Variants in FAM20C observed in about 807,000 individuals in gnomAD.
FAM20C encodes FAM20C golgi associated secretory pathway kinase, also known as extracellular serine/threonine protein kinase FAM20C.
A neutral mutation model predicts 51.5 loss-of-function variants in FAM20C; 40 were observed. The observed-to-expected ratio is 0.78, with a 90% confidence interval of 0.60 to 1.01. FAM20C has a LOEUF of 1.01. Among genes scored for constraint, FAM20C ranks in the 50% least tolerant of loss-of-function variants. The pLI, the probability that FAM20C is intolerant of heterozygous loss-of-function variation, is 0.00. For missense variants in FAM20C, 861 were observed against 844.7 expected, an observed-to-expected ratio of 1.02 and a Z score of -0.24; for synonymous variants, 406 against 380.6, an observed-to-expected ratio of 1.07 and a Z score of -0.78.
chr7:247,542 C>T (rs565070823), intron 4 of FAM20C, among the ~76,000 whole-genome samples: 9 of 152,298 alleles, frequency 5.9e-5, no homozygotes, highest in East Asian at 1.9e-4. Flanking sequence ...CCTAGTGACG[C>T]GGGCGTACAT....
chr7:212,378 G>T (rs1010574538), intron 3 of FAM20C, among the ~76,000 whole-genome samples: 1 of 152,186 alleles, frequency 6.6e-6, no homozygotes, highest in African/African-American at 2.4e-5. Context: ...CAGGAGATTC[G>T]CTTGAACCTG....
chr7:256,555 A>G, intron 6 of FAM20C, 99 bp from the exon 7 acceptor site: 1 of 995,426 alleles, frequency 1.0e-6, no homozygotes, highest in Non-Finnish European at 1.5e-6. Flanking sequence ...TGCAGACGCC[A>G]AGGTCCCTGC....
intron 3 of FAM20C, among the ~76,000 whole-genome samples, chr7:222,959 C>T (rs1040784250): frequency 2.0e-5 from 3 of 151,610 alleles, no homozygotes; most frequent in African/African-American, 7.3e-5. Context: ...TGTGTGAGGG[C>T]GTTCATCTGT....
Position 257,961 on chromosome 7 carries a change from CT to C in FAM20C, c.1446-684del, listed in dbSNP as rs1453913370. ...GAGATGCCCGGGGTGGACCCACTGC[CT>C]GAGGTGCTGGAGATAGGCAGTGTGG... On this transcript the variant is annotated intron_variant, in intron 8 of 9. Transcript: ENST00000313766. Among the ~76,000 whole-genome samples, 173 of 88,874 alleles carry C rather than the reference CT, an allele frequency of 1.9e-3. 38 individuals are homozygous for C. Among genetic ancestry groups the C allele is most frequent in the Non-Finnish European group, 2.8e-3 (115 of 40,390 alleles). The allele number at this position is 88,874 out of a possible 152,430, so 58.3% of individuals were successfully genotyped here.
At chr7:207,196 G>C (rs1277009434) in intron 2 of FAM20C, among the ~76,000 whole-genome samples, 2 of 18,178 alleles carry the variant, frequency 1.1e-4, no homozygotes, top group Non-Finnish European at 1.1e-4. Flanking sequence ...CGGTCCCCTC[G>C]GCCCCGCACA....
At chr7:231,950 C>T (rs139053094) in intron 3 of FAM20C, among the ~76,000 whole-genome samples, 2 of 152,316 alleles carry the variant, frequency 1.3e-5, no homozygotes, top group African/African-American at 2.4e-5. Flanking sequence ...CCCCAGCACC[C>T]GCCCCTGCCC....
chr7:251,376 G>T (rs1264913112), intron 5 of FAM20C, among the ~76,000 whole-genome samples: 1 of 152,190 alleles, frequency 6.6e-6, no homozygotes, highest in Non-Finnish European at 1.5e-5. Context: ...AAATTAGCCA[G>T]GTCTGGTGGC....
chr7:194,749 G>A (rs952135786), intron 1 of FAM20C, among the ~76,000 whole-genome samples: 66 of 151,764 alleles, frequency 4.3e-4, no homozygotes, highest in Non-Finnish European at 5.6e-4. Context: ...CCAGAGCAGC[G>A]AGTGGCCAGG....
intron 8 of FAM20C, among the ~76,000 whole-genome samples, chr7:258,122 AGGCGG>A (rs1788690859): frequency 2.9e-5 from 2 of 68,084 alleles, no homozygotes; most frequent in South Asian, 4.7e-4. Context: ...TGTTGGAGAT[AGGCGG>A]GGTGGACCCA....
intron 3 of FAM20C, among the ~76,000 whole-genome samples, chr7:231,235 A>G (rs956170378): frequency 2.0e-5 from 3 of 151,912 alleles, no homozygotes; most frequent in Admixed American, 6.6e-5. Flanking sequence ...GGCAGCGAGG[A>G]CCCCTGGAGG....
At chr7:240,774 T>G (rs1787923407) in intron 3 of FAM20C, among the ~76,000 whole-genome samples, 1 of 152,176 alleles carries the variant, frequency 6.6e-6, no homozygotes. Context: ...CCACCGATTG[T>G]GGCCCGGGCC....
intron 3 of FAM20C, among the ~76,000 whole-genome samples, chr7:242,101 C>T (rs1393621066): frequency 5.3e-5 from 8 of 152,150 alleles, no homozygotes; most frequent in African/African-American, 4.8e-5. Context: ...GAGAGCTCTG[C>T]GGGGACATCC....
chr7:193,428 G>T lies in FAM20C; in HGVS notation c.229G>T (p.Ala77Ser). 1 of 1,418,844 alleles carries T rather than the reference G, an allele frequency of 7.0e-7. No individual in the cohort carries two copies. Among genetic ancestry groups the T allele is most frequent in the Non-Finnish European group, 9.3e-7 (1 of 1,075,188 alleles). 87.9% of individuals were successfully genotyped at this position (1,418,844 alleles called of 1,614,324 possible). ...GGAGCCCCCGGCCGCCTCCTCCGCC[G>T]CCGGCGACGCGGGCTGGCCCAACAA... ...PGEPPAASSAAGDAGWPNKHT... is the reference protein window; with the variant it reads ...PGEPPAASSASGDAGWPNKHT... The change falls in exon 1 of 10, where the codon GCC (alanine) becomes TCC (serine). Residue 77 changes from alanine to serine, a missense_variant. By Grantham distance (99) the Ala-to-Ser change is moderately conservative (BLOSUM62 1). This residue lies in a region of FAM20C where 561 missense variants were observed against 499.8 expected (regional missense o/e 1.12). Transcript: ENST00000313766.
chr7:193,132 G>C lies in FAM20C; in HGVS notation c.-68G>C, dbSNP rs865950516. On this transcript the variant is annotated 5_prime_UTR_variant, in exon 1 of 10. Transcript: ENST00000313766. ...TGACCCGCGAGGCGGCGCCGCGCTC[G>C]TGCCCAGCTGCAGCTAGAGGGGCGC... is the stretch of plus-strand genomic sequence containing the variant. 1 of 1,341,592 alleles carries C rather than the reference G, an allele frequency of 7.5e-7. No homozygotes were observed. The highest frequency in any genetic ancestry group is 9.7e-7 in the Non-Finnish European group (1 of 1,031,272). 83.1% of individuals were successfully genotyped at this position (1,341,592 alleles called of 1,614,324 possible). A position where few individuals can be genotyped will look rare whatever the true frequency, so the allele number is the denominator to read the frequency against.
chr7:193,574 T>A lies in FAM20C; in HGVS notation c.375T>A (p.Asp125Glu), dbSNP rs1241206174. ...EPAERALRGR[D>E]PGALRPHDPA... ...CCGAGCGCGCCTTGCGGGGGCGGGA[T>A]CCCGGCGCCCTAAGACCCCACGACC... Residue 125 changes from aspartate (D) to glutamate (E), a missense_variant, in exon 1 of 10, where the codon GAT becomes GAA. Around this residue, in one of 3 missense-constraint regions of FAM20C, gnomAD observed 561 missense variants for 499.8 expected, o/e 1.12. Coordinates refer to ENST00000313766, the MANE Select transcript of FAM20C (RefSeq NM_020223.4). 31 of 1,500,602 alleles carry A rather than the reference T, an allele frequency of 2.1e-5. No homozygotes were observed. Among genetic ancestry groups the A allele is most frequent in the Non-Finnish European group, 2.5e-5 (28 of 1,123,598 alleles). The allele number at this position is 1,500,602 out of a possible 1,614,324, so 93.0% of individuals were successfully genotyped here. A position where few individuals can be genotyped will look rare whatever the true frequency, so the allele number is the denominator to read the frequency against.
intron 4 of FAM20C, among the ~76,000 whole-genome samples, chr7:247,688 G>A (rs184063375): frequency 2.6e-3 from 389 of 152,308 alleles, no homozygotes; most frequent in Non-Finnish European, 3.0e-3. Flanking sequence ...AAAGAAAGAC[G>A]GGGAGGGTCA....
In FAM20C at chr7:193,817, T is replaced by G; in HGVS notation, c.605+13T>G. ...AGAACCCGGACTGGTGAGTGGGGGC[T>G]GGCAGGTGCCCACCCCCAAGGGAGC... On this transcript the variant is annotated intron_variant, in intron 1 of 9. Coordinates refer to ENST00000313766, the MANE Select transcript of FAM20C (RefSeq NM_020223.4). 2 of 1,553,162 alleles carry G rather than the reference T, an allele frequency of 1.3e-6. No homozygotes were observed. Among genetic ancestry groups the G allele is most frequent in the South Asian group, 1.2e-5 (1 of 84,198 alleles).
chr7:230,479 C>T (rs941449103), intron 3 of FAM20C, among the ~76,000 whole-genome samples: 2 of 151,812 alleles, frequency 1.3e-5, no homozygotes, highest in African/African-American at 2.4e-5. Flanking sequence ...GTTCGGAACA[C>T]CAGGAGCCCT....
At chr7:198,812 CA>C (rs1202661879) in intron 2 of FAM20C, among the ~76,000 whole-genome samples, 1 of 152,214 alleles carries the variant, frequency 6.6e-6, no homozygotes, top group African/African-American at 2.4e-5. Flanking sequence ...CTTTGTACAG[CA>C]GCAGCATTTC....
Sources: gnomAD v4.1 joint callset for allele counts (sites outside exome capture counted in the v4.1 genomes callset) on GRCh38, gnomAD v4.1.1 for gene constraint, gnomAD v4.1.1 regional missense constraint, MANE v1.5 for transcripts, NCBI Gene and HGNC (gene_info 2026-07-23, HGNC 2026-07-21) for gene names.